Variants in ZFHX3 observed in about 807,000 individuals in gnomAD.
ZFHX3 encodes zinc finger homeobox protein 3.
ZFHX3 carries 42 observed loss-of-function variants against 279.1 expected under a neutral mutation model. The observed-to-expected ratio is 0.15, with a 90% CI of 0.12 to 0.19. The LOEUF is 0.19. Ranked by LOEUF, ZFHX3 falls within the 10% of genes least tolerant of loss-of-function variation. The pLI, the probability that ZFHX3 is intolerant of heterozygous loss-of-function variation, is 1.00. For synonymous variants in ZFHX3, 2,293 were observed against 1,957.8 expected (o/e 1.17, Z -4.52); for missense variants, 4,981 against 4,754.0 (o/e 1.05, Z -1.40).
chr16:73,058,121 C>T (rs1438511864), intron 1 of ZFHX3, among the ~76,000 whole-genome samples: 1 of 145,580 alleles, frequency 6.9e-6, no homozygotes, highest in African/African-American at 2.5e-5. Flanking sequence ...GCCGGCCCTG[C>T]CTGGCGGCGC....
chr16:73,710,471 A>T (rs1170726777), intron 1 of ZFHX3, among the ~76,000 whole-genome samples: 2 of 152,130 alleles, frequency 1.3e-5, no homozygotes, highest in Non-Finnish European at 2.9e-5. Flanking sequence ...TAATTACCAA[A>T]ACCAAAGTTC....
At chr16:73,644,363 A>C (rs2052599394) in intron 2 of ZFHX3, among the ~76,000 whole-genome samples, 1 of 152,100 alleles carries the variant, frequency 6.6e-6, no homozygotes, top group Admixed American at 6.6e-5. Context: ...CCACCGGTTG[A>C]AAGCAGCAGT....
chr16:73,002,867 C>A (rs921626824), intron 1 of ZFHX3, among the ~76,000 whole-genome samples: 2 of 152,084 alleles, frequency 1.3e-5, no homozygotes, highest in African/African-American at 4.8e-5. Flanking sequence ...CTTCTCATGA[C>A]AAAAAGTAAT....
At chr16:73,187,275 T>C (rs568061819) in intron 5 of ZFHX3, among the ~76,000 whole-genome samples, 1 of 152,266 alleles carries the variant, frequency 6.6e-6, no homozygotes, top group African/African-American at 2.4e-5. Context: ...TTCATTCTTA[T>C]CAGAATTCTG....
At chr16:73,307,600 C>G (rs1185709726) in intron 4 of ZFHX3, among the ~76,000 whole-genome samples, 1 of 152,188 alleles carries the variant, frequency 6.6e-6, no homozygotes, top group African/African-American at 2.4e-5. Flanking sequence ...GCTGGAGAAA[C>G]AAGAGAAATA....
intron 3 of ZFHX3, among the ~76,000 whole-genome samples, chr16:72,925,068 C>T (rs12922127): frequency 0.13 from 20,201 of 152,290 alleles, 1,754 homozygotes; most frequent in Non-Finnish European, 0.2. Context: ...TTCATATTTG[C>T]GGTCAACTGC....
chr16:73,048,704 A>G (rs1367580600), upstream of ZFHX3, among the ~76,000 whole-genome samples: 1 of 152,248 alleles, frequency 6.6e-6, no homozygotes, highest in Non-Finnish European at 1.5e-5. Context: ...ACAGGAGCCA[A>G]TGTGGACAGG....
At chr16:73,829,220 T>C (rs1301421253) in intron 1 of ZFHX3, among the ~76,000 whole-genome samples, 4 of 97,236 alleles carry the variant, frequency 4.1e-5, no homozygotes, top group South Asian at 7.7e-4. Flanking sequence ...TTCTGCATTC[T>C]TCACGTAGTT....
intron 3 of ZFHX3, among the ~76,000 whole-genome samples, chr16:73,424,960 A>C (rs971846026): frequency 1.4e-4 from 21 of 152,158 alleles, no homozygotes; most frequent in African/African-American, 4.6e-4. Flanking sequence ...AAAGCAGGAC[A>C]TGCCCATGAG....
intron 3 of ZFHX3, among the ~76,000 whole-genome samples, chr16:73,360,797 T>C (rs1003217886): frequency 2.0e-5 from 3 of 152,144 alleles, no homozygotes; most frequent in African/African-American, 7.2e-5. Context: ...GACCTAGAAG[T>C]TCATGCTGTC....
At chr16:72,930,386 G>T (rs1441719216) in intron 3 of ZFHX3, among the ~76,000 whole-genome samples, 2 of 151,932 alleles carry the variant, frequency 1.3e-5, no homozygotes, top group Non-Finnish European at 2.9e-5. Context: ...ATTTGGAATT[G>T]GAGGGGAAAA....
intron 2 of ZFHX3, among the ~76,000 whole-genome samples, chr16:73,661,617 G>T (rs544745549): frequency 6.6e-6 from 1 of 151,714 alleles, no homozygotes; most frequent in African/African-American, 2.4e-5. Context: ...AGCTACTTGT[G>T]AGGCTGAGGC....
chr16:73,265,050 T>C (rs1016985771), intron 4 of ZFHX3, among the ~76,000 whole-genome samples: 4 of 147,486 alleles, frequency 2.7e-5, no homozygotes, highest in South Asian at 2.2e-4. Context: ...TCAGCGCATA[T>C]ATATAATAGC....
chr16:73,700,100 AT>A (rs1411309646), intron 1 of ZFHX3, among the ~76,000 whole-genome samples: 11 of 152,166 alleles, frequency 7.2e-5, no homozygotes. Context: ...GCACACACTT[AT>A]GGTCTCAGCT....
chr16:73,508,900 AATCTCAGGAAAAAG>A (rs1023173049), intron 2 of ZFHX3, among the ~76,000 whole-genome samples: 2 of 152,210 alleles, frequency 1.3e-5, no homozygotes, highest in African/African-American at 4.8e-5. Context: ...CTTTTGAATC[AATCTCAGGAAAAAG>A]ATATCCCTGT....
intron 5 of ZFHX3, among the ~76,000 whole-genome samples, chr16:73,191,878 G>A (rs1324212560): frequency 6.6e-6 from 1 of 152,202 alleles, no homozygotes; most frequent in African/African-American, 2.4e-5. Flanking sequence ...TCCTCATGCT[G>A]TGCAAACACG....
chr16:73,864,333 A>G (rs982565532), intron 1 of ZFHX3, among the ~76,000 whole-genome samples: 1 of 152,234 alleles, frequency 6.6e-6, no homozygotes, highest in African/African-American at 2.4e-5. Flanking sequence ...TTCATTAACT[A>G]CGCTGTGACA....
rs2036942125 is a variant in ZFHX3, at chr16:72,826,746, A to T, written c.3529+3033T>A. Among the ~76,000 whole-genome samples the T allele has an allele frequency of 2.6e-5, 4 of 152,208 alleles. 1 individual carries two copies. In the South Asian group the frequency reaches 8.3e-4, roughly 31 times the overall value. On this transcript the variant is annotated intron_variant, in intron 5 of 9. Coordinates refer to ENST00000268489, the MANE Select transcript of ZFHX3 (RefSeq NM_006885.4). ...AGGTGCATCTCTGAGTTATTCATTCAATCACTCATTCATTCATTTTCTCTC... is the reference window on the plus strand; with the variant it reads ...AGGTGCATCTCTGAGTTATTCATTCTATCACTCATTCATTCATTTTCTCTC...
At chr16:72,993,605 C>T (rs1288384800) in intron 1 of ZFHX3, among the ~76,000 whole-genome samples, 5 of 152,158 alleles carry the variant, frequency 3.3e-5, no homozygotes, top group Middle Eastern at 3.2e-3. Context: ...AGCACAGCAG[C>T]GCCTGTTTCA....
Sources: allele counts gnomAD v4.1 joint callset (sites outside exome capture counted in the v4.1 genomes callset), GRCh38; gene constraint gnomAD v4.1.1; transcripts MANE v1.5; gene names NCBI Gene and HGNC (gene_info 2026-07-23, HGNC 2026-07-21).